Variants in USP49 observed in about 807,000 individuals in gnomAD.
USP49 encodes ubiquitin specific peptidase 49, also known as ubiquitin carboxyl-terminal hydrolase 49.
USP49 carries 24 observed loss-of-function variants against 58.6 expected under a neutral mutation model. That is an observed-to-expected ratio of 0.41 (90% CI 0.30 to 0.58). USP49 has a LOEUF of 0.58. Among genes scored for constraint, USP49 ranks in the 20% least tolerant of loss-of-function variants. The probability of loss-of-function intolerance (pLI) is 0.30; values close to 1 mark genes in which losing one functional copy is unlikely to be tolerated. For synonymous variants in USP49, 408 were observed against 365.1 expected (o/e 1.12, Z -1.34); for missense variants, 703 against 866.1 (o/e 0.81, Z 2.36).
intron 3 of USP49, among the ~76,000 whole-genome samples, chr6:41,858,714 A>G (rs887706799): frequency 6.6e-6 from 1 of 151,336 alleles, no homozygotes; most frequent in African/African-American, 2.4e-5. Flanking sequence ...TCCTCACTTC[A>G]TTCAGATGTG....
At chr6:41,824,864 A>T (rs1022576024) in intron 3 of USP49, among the ~76,000 whole-genome samples, 3 of 152,226 alleles carry the variant, frequency 2.0e-5, no homozygotes, top group African/African-American at 7.2e-5. Flanking sequence ...GCATGGCAAA[A>T]ATATAAAGGG....
intron 3 of USP49, among the ~76,000 whole-genome samples, chr6:41,813,172 A>C (rs1341861093): frequency 6.6e-6 from 1 of 152,180 alleles, no homozygotes; most frequent in African/African-American, 2.4e-5. Flanking sequence ...ACACCAGGAC[A>C]CTATCTTTAG....
chr6:41,830,908 A>G (rs1773621899), intron 3 of USP49, among the ~76,000 whole-genome samples: 1 of 152,112 alleles, frequency 6.6e-6, no homozygotes, highest in Admixed American at 6.6e-5. Context: ...TGCTACCTGT[A>G]CAGGCTGATT....
chr6:41,884,653 A>G (rs897489643), intron 2 of USP49, among the ~76,000 whole-genome samples: 6 of 152,228 alleles, frequency 3.9e-5, no homozygotes, highest in East Asian at 1.9e-4. Context: ...CAAATTCAGA[A>G]TAATATTTTT....
At chr6:41,870,735 AG>A (rs1348901578) in intron 3 of USP49, among the ~76,000 whole-genome samples, 13 of 129,680 alleles carry the variant, frequency 1.0e-4, no homozygotes, top group Non-Finnish European at 1.6e-4. Flanking sequence ...TATATTGCCC[AG>A]GCTGGCTAGA....
intron 3 of USP49, among the ~76,000 whole-genome samples, chr6:41,828,137 AC>A (rs1222913547): frequency 2.0e-5 from 3 of 152,178 alleles, no homozygotes; most frequent in Admixed American, 1.3e-4. Flanking sequence ...ATAAGAACTT[AC>A]CAAAACTAAT....
intron 2 of USP49, among the ~76,000 whole-genome samples, chr6:41,876,454 T>C (rs916535636): frequency 3.3e-5 from 5 of 152,242 alleles, no homozygotes. Context: ...CTTCGCTCTG[T>C]TGCCCAGGCT....
intron 3 of USP49, among the ~76,000 whole-genome samples, chr6:41,844,656 A>G (rs1013453609): frequency 1.3e-5 from 2 of 152,198 alleles, no homozygotes; most frequent in African/African-American, 4.8e-5. Flanking sequence ...TGCGTTATCC[A>G]TCATGGTATT....
At chr6:41,832,242 G>A (rs1175944795) in intron 3 of USP49, among the ~76,000 whole-genome samples, 1 of 152,096 alleles carries the variant, frequency 6.6e-6, no homozygotes, top group Non-Finnish European at 1.5e-5. Flanking sequence ...ATTCTAGGTG[G>A]AGCTGCTTCC....
intron 3 of USP49, among the ~76,000 whole-genome samples, chr6:41,862,993 T>C (rs1774249815): frequency 6.6e-6 from 1 of 152,034 alleles, no homozygotes; most frequent in South Asian, 2.1e-4. Flanking sequence ...GCTGGGCTGG[T>C]CTCGAACTCT....
At chr6:41,820,408 G>A (rs1236509235) in intron 3 of USP49, among the ~76,000 whole-genome samples, 3 of 152,032 alleles carry the variant, frequency 2.0e-5, no homozygotes, top group African/African-American at 7.2e-5. Context: ...TAGAGAAACT[G>A]AACATGGACT....
intron 3 of USP49, 134 bp from the exon 4 acceptor site, chr6:41,807,145 C>G (rs1561905042): frequency 9.9e-7 from 1 of 1,006,528 alleles, no homozygotes; most frequent in East Asian, 3.0e-5. Context: ...ATTTTCAACT[C>G]CAAATTGGTT....
rs150586372 is a variant in USP49 at position 41,824,673 on chromosome 6, T to G, written c.-28-17662A>C. On this transcript the variant is annotated intron_variant, in intron 3 of 7. Transcript: ENST00000682992. ...GTGAGCCGAGATCGCGCCATTGCACTCCAGCCTGGGCAACAAGAGCGAAAC... is the reference window on the plus strand; with the variant it reads ...GTGAGCCGAGATCGCGCCATTGCACGCCAGCCTGGGCAACAAGAGCGAAAC... 9.3e-3 allele frequency among the ~76,000 whole-genome samples: 1,414 copies of G among 152,132 alleles called. 21 individuals carry two copies. Among genetic ancestry groups the G allele is most frequent in the African/African-American group, 0.032 (1,333 of 41,486 alleles).
At chr6:41,879,996 A>C (rs1774575124) in intron 2 of USP49, among the ~76,000 whole-genome samples, 1 of 152,232 alleles carries the variant, frequency 6.6e-6, no homozygotes, top group East Asian at 1.9e-4. Context: ...AATTCCCTAA[A>C]TGAAAGATCA....
At chr6:41,862,632 T>C (rs1774242509) in intron 3 of USP49, among the ~76,000 whole-genome samples, 1 of 152,218 alleles carries the variant, frequency 6.6e-6, no homozygotes, top group African/African-American at 2.4e-5. Context: ...AACAATGTGA[T>C]TTAATGAACT....
intron 5 of USP49, among the ~76,000 whole-genome samples, chr6:41,802,206 C>G (rs114739326): frequency 0.029 from 4,358 of 151,270 alleles, 73 homozygotes; most frequent in Non-Finnish European, 0.044. Context: ...TTTATTTTCC[C>G]TAAAAGAGGT....
chr6:41,853,455 CT>C (rs1240117015), intron 3 of USP49, among the ~76,000 whole-genome samples: 5 of 152,132 alleles, frequency 3.3e-5, no homozygotes, highest in Admixed American at 3.3e-4. Flanking sequence ...AACTTTAGAA[CT>C]GTTTCACAGC....
chr6:41,867,151 A>G (rs1401629544), intron 3 of USP49, among the ~76,000 whole-genome samples: 1 of 152,216 alleles, frequency 6.6e-6, no homozygotes, highest in Non-Finnish European at 1.5e-5. Context: ...ACCCCAAAAC[A>G]AAAACCACAT....
Position 41,895,306 on chromosome 6 carries a change from C to T in USP49, c.-185+18G>A, listed in dbSNP as rs970914282. 2.7e-5 allele frequency: 4 copies of T among 150,260 alleles called. No individual in the cohort carries two copies. Among genetic ancestry groups the T allele is most frequent in the Admixed American group, 2.0e-4 (3 of 15,194 alleles). 9.3% of individuals were successfully genotyped at this position (150,260 alleles called of 1,614,324 possible). A position where few individuals can be genotyped will look rare whatever the true frequency, so the allele number is the denominator to read the frequency against. On this transcript the variant is annotated intron_variant, in intron 1 of 7. Transcript: ENST00000682992. ...CTCCCCACCTCCTCCGTCCCCTCCC[C>T]CGGCCCCCTCTATTTACCGCCATCA...
Sources: gnomAD v4.1 joint callset for allele counts (sites outside exome capture counted in the v4.1 genomes callset) on GRCh38, gnomAD v4.1.1 for gene constraint, MANE v1.5 for transcripts, NCBI Gene and HGNC (gene_info 2026-07-23, HGNC 2026-07-21) for gene names.